ACSBG2: variants seen among roughly 807,000 people sequenced by gnomAD.
ACSBG2 encodes acyl-CoA synthetase bubblegum family member 2.
Under a neutral mutation model 74.7 loss-of-function variants are expected in ACSBG2, and 62 were observed. The ratio of observed to expected loss-of-function variants is 0.83; its 90% CI spans 0.68 to 1.03. The LOEUF is 1.03. Among genes scored for constraint, ACSBG2 ranks in the 50% least tolerant of loss-of-function variants. The pLI, the probability that ACSBG2 is intolerant of heterozygous loss-of-function variation, is 0.00. For missense variants in ACSBG2, 730 were observed against 817.6 expected (o/e 0.89, Z 1.31); for synonymous variants, 309 against 294.1 (o/e 1.05, Z -0.52).
intron 2 of ACSBG2, among the ~76,000 whole-genome samples, chr19:6,144,398 C>CAG (rs1248927801): frequency 6.6e-6 from 1 of 152,176 alleles, no homozygotes; most frequent in Non-Finnish European, 1.5e-5. Flanking sequence ...CCTGCACACA[C>CAG]GGAGAATGTC....
In ACSBG2 at chr19:6,183,140, G is replaced by A; in HGVS notation, c.1190G>A (p.Gly397Glu). Residue 397 changes from glycine (G) to glutamate (E), a missense_variant, in exon 10 of 15, where the codon GGG (glycine) becomes GAG (glutamate). Physicochemically the swap from Gly to Glu is moderately conservative, Grantham distance 98 (BLOSUM62 -2). Coordinates refer to ENST00000588485, the MANE Select transcript of ACSBG2 (RefSeq NM_030924.5). ...GATCACTGTCACTCTTTTATCAGTG[G>A]GACTGCGCCCCTCAACCAAGAGACT... ...GLDHCHSFIS[G>E]TAPLNQETAE... The A allele has an allele frequency of 6.2e-7, 1 of 1,614,208 alleles. No homozygotes were observed.
intron 6 of ACSBG2, 51 bp from the exon 7 acceptor site, chr19:6,165,815 A>G: frequency 6.2e-7 from 1 of 1,605,498 alleles, no homozygotes; most frequent in African/African-American, 1.3e-5. Flanking sequence ...TGGCTGGGTG[A>G]GAGGACTCCC....
intron 6 of ACSBG2, 127 bp downstream of exon 6, chr19:6,161,422 G>C (rs1337132208): frequency 1.2e-6 from 1 of 805,100 alleles, no homozygotes; most frequent in African/African-American, 1.8e-5. Context: ...ACTCTCAAAG[G>C]AAGTAGGTGG....
chr19:6,165,868 G>C lies in ACSBG2; in HGVS notation c.591G>C (p.Trp197Cys), dbSNP rs775414051. ...PMKKNNNLYS[W>C]DDFMELGRSI... is the part of the protein sequence containing the mutation. Reference sequence around the variant, plus strand: ...CCGCTTGTCTTTTCTGTCCACAGTGGGATGATTTCATGGAACTTGGCAGAA... The same window carrying C: ...CCGCTTGTCTTTTCTGTCCACAGTGCGATGATTTCATGGAACTTGGCAGAA... The change falls in exon 7 of 15, where the codon TGG (tryptophan) becomes TGC (cysteine). Residue 197 changes from tryptophan (W) to cysteine (C), a missense_variant and splice_region_variant. Trp to Cys is a radical substitution (Grantham distance 215, BLOSUM62 -2). Coordinates refer to ENST00000588485, the MANE Select transcript of ACSBG2 (RefSeq NM_030924.5). 6 of 1,614,012 alleles carry C rather than the reference G, an allele frequency of 3.7e-6. 1 individual carries two copies. The South Asian group carries it at 5.5e-5, about 15-fold the overall frequency.
intron 5 of ACSBG2, among the ~76,000 whole-genome samples, chr19:6,160,361 G>T (rs2089564298): frequency 6.9e-6 from 1 of 145,036 alleles, no homozygotes; most frequent in South Asian, 2.1e-4. Context: ...CTGCACTCTA[G>T]CCTAGGTGAC....
intron 3 of ACSBG2, 87 bp from the exon 4 acceptor site, chr19:6,151,620 C>A: frequency 7.4e-7 from 1 of 1,349,150 alleles, no homozygotes; most frequent in Non-Finnish European, 1.0e-6. Flanking sequence ...CTCCATGTGA[C>A]TACCTTTGAT....
At chr19:6,151,045 C>T (rs779996901) in intron 3 of ACSBG2, among the ~76,000 whole-genome samples, 42 of 148,332 alleles carry the variant, frequency 2.8e-4, no homozygotes, top group Non-Finnish European at 4.7e-4. Flanking sequence ...ACCCAGGAGA[C>T]GGAGGTTGCA....
At chr19:6,182,653 G>T in intron 8 of ACSBG2, 98 bp from the exon 9 acceptor site, 1 of 1,186,998 alleles carries the variant, frequency 8.4e-7, no homozygotes, top group Non-Finnish European at 1.2e-6. Context: ...ATCAGTGAAG[G>T]AATGTTCTCT....
At chr19:6,185,362 C>A (rs145944945) in intron 10 of ACSBG2, 74 bp from the exon 11 acceptor site, 3 of 1,493,460 alleles carry the variant, frequency 2.0e-6, no homozygotes, top group South Asian at 1.2e-5. Flanking sequence ...GGCACCTAGG[C>A]TGAAGATCCA....
At chr19:6,147,386 C>T (rs535404767) in intron 2 of ACSBG2, 60 bp from the exon 3 acceptor site, 35 of 1,436,714 alleles carry the variant, frequency 2.4e-5, no homozygotes, top group Middle Eastern at 1.8e-4. Context: ...AACCGCCCCC[C>T]GTCCAAAGTT....
chr19:6,164,005 C>T (rs367753126), intron 6 of ACSBG2, among the ~76,000 whole-genome samples: 1 of 152,094 alleles, frequency 6.6e-6, no homozygotes, highest in Non-Finnish European at 1.5e-5. Flanking sequence ...TGAGCAAAAA[C>T]GAATGAGACT....
Position 6,180,230 on chromosome 19 carries a change from T to A in ACSBG2, c.907-2521T>A, listed in dbSNP as rs1295066081. Among the ~76,000 whole-genome samples, 1 of 152,134 alleles carries A rather than the reference T, an allele frequency of 6.6e-6. No homozygotes were observed. Among genetic ancestry groups the A allele is most frequent in the African/African-American group, 2.4e-5 (1 of 41,416 alleles). On this transcript the variant is annotated intron_variant, in intron 8 of 14. Transcript: ENST00000588485. The surrounding 1 kb of genome is among the most constrained non-coding windows in gnomAD (Gnocchi z 4.3). The stretch of plus-strand genomic sequence containing the variant: ...CAAAGTCCCTTTTGCCATGAAAGAT[T>A]ACATATTCACAGGTCCCAGGAGTTA...
chr19:6,167,863 G>C (rs2089851769), intron 7 of ACSBG2, among the ~76,000 whole-genome samples: 1 of 152,168 alleles, frequency 6.6e-6, no homozygotes, highest in Admixed American at 6.5e-5. Context: ...TCAATTGTAT[G>C]ATGCATGATA....
At chr19:6,171,315 G>A (rs75046347) in intron 7 of ACSBG2, among the ~76,000 whole-genome samples, 10,936 of 151,928 alleles carry the variant, frequency 0.072, 718 homozygotes, top group African/African-American at 0.18. Context: ...TAGGGTCTGT[G>A]GGCTTTGTGC....
intron 4 of ACSBG2, among the ~76,000 whole-genome samples, chr19:6,153,883 GGAAAAGA>G (rs1568226117): frequency 2.0e-4 from 15 of 73,890 alleles, no homozygotes; most frequent in African/African-American, 8.1e-4. Flanking sequence ...GAAAAGAAAA[GGAAAAGA>G]AAAAAGAAAA....
At chr19:6,158,440 G>GT (rs57823634) in intron 5 of ACSBG2, among the ~76,000 whole-genome samples, 14,335 of 135,048 alleles carry the variant, frequency 0.11, 1,046 homozygotes, top group African/African-American at 0.22. Context: ...GCTGTCTTAC[G>GT]TTTTTTTTTT....
At chr19:6,147,717 TC>T in intron 3 of ACSBG2, 42 bp downstream of exon 3, 1 of 1,582,380 alleles carries the variant, frequency 6.3e-7, no homozygotes, top group African/African-American at 1.3e-5. Context: ...AACCATTCAT[TC>T]TGAATAGGTA....
At chr19:6,178,812 A>T (rs1482217611) in intron 8 of ACSBG2, among the ~76,000 whole-genome samples, 1 of 152,174 alleles carries the variant, frequency 6.6e-6, no homozygotes, top group Non-Finnish European at 1.5e-5. Context: ...CTCAGGTGAA[A>T]ACCAAAAGGA....
intron 6 of ACSBG2, among the ~76,000 whole-genome samples, chr19:6,164,966 C>T (rs558729817): frequency 6.6e-6 from 1 of 152,322 alleles, no homozygotes; most frequent in South Asian, 2.1e-4. Flanking sequence ...AGTAATCTAC[C>T]ACCCCTGAGC....
Sources: allele counts gnomAD v4.1 joint callset (sites outside exome capture counted in the v4.1 genomes callset), GRCh38; gene constraint gnomAD v4.1.1; non-coding constraint Gnocchi (gnomAD v3.1); transcripts MANE v1.5; gene names NCBI Gene and HGNC (gene_info 2026-07-23, HGNC 2026-07-21).